Variants in DNAH9 observed in about 807,000 individuals in gnomAD.
The protein encoded by DNAH9 is dynein axonemal heavy chain 9, also known as DNAH9 variant protein.
In DNAH9, 345 loss-of-function variants were observed where a neutral mutation model predicts 471.6. The ratio of observed to expected loss-of-function variants is 0.73; its 90% CI spans 0.67 to 0.80. DNAH9 has a LOEUF of 0.80. Ranked by LOEUF, DNAH9 falls within the 30% of genes least tolerant of loss-of-function variation. DNAH9 has a pLI of 0.00. For missense variants in DNAH9, 5,407 were observed against 5,609.2 expected (o/e 0.96, Z 1.15); for synonymous variants, 2,093 against 2,123.6 (o/e 0.99, Z 0.40).
At chr17:11,631,647 A>G (rs1219829320) in intron 7 of DNAH9, among the ~76,000 whole-genome samples, 1 of 151,750 alleles carries the variant, frequency 6.6e-6, no homozygotes. Context: ...TCTCAAAAAA[A>G]AAAAAAAGCA....
At chr17:11,855,911 T>C (rs1427432346) in intron 50 of DNAH9, among the ~76,000 whole-genome samples, 1 of 152,136 alleles carries the variant, frequency 6.6e-6, no homozygotes, top group Non-Finnish European at 1.5e-5. Context: ...CTTCCTGAAG[T>C]AGAATAGACA....
chr17:11,765,015 G>A (rs1448721489), intron 36 of DNAH9, among the ~76,000 whole-genome samples: 2 of 152,194 alleles, frequency 1.3e-5, no homozygotes, highest in African/African-American at 2.4e-5. Context: ...GATTTGAATT[G>A]TAGCTCTGCC....
At chr17:11,946,226 C>T (rs773761521) in intron 67 of DNAH9, among the ~76,000 whole-genome samples, 14 of 144,670 alleles carry the variant, frequency 9.7e-5, no homozygotes, top group Non-Finnish European at 1.8e-4. Flanking sequence ...AAAAAAAGAG[C>T]CAGATTAGAT....
chr17:11,930,230 T>C (rs1361544526), intron 63 of DNAH9, 137 bp downstream of exon 63: 4 of 743,688 alleles, frequency 5.4e-6, no homozygotes, highest in Non-Finnish European at 8.8e-6. Flanking sequence ...GTGGGTAAAA[T>C]GTTCCCACCT....
rs528673093 is a variant in DNAH9 at position 11,937,036 on chromosome 17, C to G, written c.12490-316C>G. Among the ~76,000 whole-genome samples, 1 of 152,238 alleles carries G rather than the reference C, an allele frequency of 6.6e-6. No individual in the cohort carries two copies. The highest frequency in any genetic ancestry group is 1.9e-4 in the East Asian group (1 of 5,186). On this transcript the variant is annotated intron_variant, in intron 65 of 68. Transcript: ENST00000262442. The surrounding 1 kb of genome is among the most constrained non-coding windows in gnomAD (Gnocchi z 4.1). The stretch of plus-strand genomic sequence containing the variant: ...AGACTATGAGAAGTCCTCCTCTGGT[C>G]TGCAGGAAAAAGAGTCATCAGGGAG...
chr17:11,760,113 T>C (rs12937351), intron 35 of DNAH9, among the ~76,000 whole-genome samples: 66,090 of 152,148 alleles, frequency 0.43, 14,543 homozygotes, highest in East Asian at 0.51. Flanking sequence ...TAAGCCACTG[T>C]GCCCGCCTAC....
At chr17:11,957,284 C>A (rs1160596988) in intron 67 of DNAH9, among the ~76,000 whole-genome samples, 1 of 151,886 alleles carries the variant, frequency 6.6e-6, no homozygotes, top group Non-Finnish European at 1.5e-5. Context: ...CAAAGAAAAC[C>A]CCTGATCCAC....
intron 61 of DNAH9, among the ~76,000 whole-genome samples, chr17:11,918,086 T>C (rs1342345093): frequency 6.6e-6 from 1 of 152,232 alleles, no homozygotes; most frequent in African/African-American, 2.4e-5. Context: ...CTACCAGATA[T>C]GTTCAAAGAA....
intron 41 of DNAH9, among the ~76,000 whole-genome samples, chr17:11,786,208 G>A (rs570777634): frequency 2.6e-5 from 4 of 152,178 alleles, no homozygotes; most frequent in African/African-American, 9.7e-5. Flanking sequence ...CTTCTGCCTG[G>A]AACAGTGGTC....
At chr17:11,727,074 A>AAAAAAAAAAAC (rs1567753041) in intron 27 of DNAH9, among the ~76,000 whole-genome samples, 1 of 139,870 alleles carries the variant, frequency 7.1e-6, no homozygotes, top group African/African-American at 2.9e-5. Context: ...AAAAAAAAAA[A>AAAAAAAAAAAC]AAACCCGCTG....
intron 24 of DNAH9, among the ~76,000 whole-genome samples, chr17:11,701,971 C>T (rs991184526): frequency 2.0e-5 from 3 of 152,172 alleles, no homozygotes; most frequent in African/African-American, 7.2e-5. Context: ...CGTGAGCCTC[C>T]GCGCCCGGCC....
At chr17:11,800,527 A>G (rs1001476923) in intron 43 of DNAH9, among the ~76,000 whole-genome samples, 3 of 151,640 alleles carry the variant, frequency 2.0e-5, no homozygotes, top group Non-Finnish European at 2.9e-5. Context: ...CTTTCCATCT[A>G]CTACCCCCAT....
At chr17:11,770,053 G>A (rs773526051) in intron 38 of DNAH9, among the ~76,000 whole-genome samples, 2 of 152,182 alleles carry the variant, frequency 1.3e-5, no homozygotes, top group Non-Finnish European at 2.9e-5. Context: ...CCCAAACACC[G>A]ACAGCCTTGT....
At position 11,760,343 on chromosome 17, in the gene DNAH9, C is replaced by T. The variant is rs75462462; in HGVS notation, c.6995+2651C>T. Among the ~76,000 whole-genome samples, 3 of 152,200 alleles carry T rather than the reference C, an allele frequency of 2.0e-5. No individual in the cohort carries two copies. The East Asian group carries it at 5.8e-4, about 29-fold the overall frequency. ...TATTTCTCACTCTGGGCATTTAGAA[C>T]AAGAGATGGCAAGCTCATGTGTCTT... is the stretch of plus-strand genomic sequence containing the variant. On this transcript the variant is annotated intron_variant, in intron 35 of 68. Coordinates refer to ENST00000262442, the MANE Select transcript of DNAH9 (RefSeq NM_001372.4).
intron 28 of DNAH9, among the ~76,000 whole-genome samples, chr17:11,732,472 C>G (rs1006308093): frequency 1.3e-5 from 2 of 151,880 alleles, no homozygotes; most frequent in South Asian, 2.1e-4. Flanking sequence ...CACCACCCTC[C>G]CCTCTCCTCC....
chr17:11,916,485 G>A (rs925107104), intron 61 of DNAH9, among the ~76,000 whole-genome samples: 7 of 152,196 alleles, frequency 4.6e-5, no homozygotes, highest in African/African-American at 1.7e-4. Flanking sequence ...ATATTCTGGT[G>A]ACATCCACAT....
At chr17:11,966,046 A>T (rs909480360) in intron 68 of DNAH9, among the ~76,000 whole-genome samples, 8 of 152,236 alleles carry the variant, frequency 5.3e-5, no homozygotes, top group Non-Finnish European at 1.0e-4. Flanking sequence ...GACTATTTGA[A>T]GAGATAATGA....
At chr17:11,850,517 G>A (rs570668217) in intron 49 of DNAH9, among the ~76,000 whole-genome samples, 15 of 152,130 alleles carry the variant, frequency 9.9e-5, no homozygotes, top group Non-Finnish European at 8.8e-5. Context: ...GGGTGGTGGC[G>A]GGTGCCTGTA....
chr17:11,690,492 G>C, intron 20 of DNAH9, 56 bp downstream of exon 20: 1 of 1,505,036 alleles, frequency 6.6e-7, no homozygotes, highest in South Asian at 1.2e-5. Context: ...GTGAAGGGAA[G>C]GTCACCCAGT....
Sources: allele counts gnomAD v4.1 joint callset (sites outside exome capture counted in the v4.1 genomes callset), GRCh38; gene constraint gnomAD v4.1.1; non-coding constraint Gnocchi (gnomAD v3.1); transcripts MANE v1.5; gene names NCBI Gene and HGNC (gene_info 2026-07-23, HGNC 2026-07-21).